ZDHHC11B: variants seen among roughly 807,000 people sequenced by gnomAD.
ZDHHC11B encodes the protein probable palmitoyltransferase ZDHHC11B.
Under a neutral mutation model 42.3 loss-of-function variants are expected in ZDHHC11B, and 17 were observed. The observed-to-expected ratio is 0.40, with a 90% confidence interval of 0.27 to 0.60. ZDHHC11B has a LOEUF of 0.60. ZDHHC11B is among the 20% of genes least tolerant of loss of function. ZDHHC11B has a pLI of 0.41. For missense variants in ZDHHC11B, 262 were observed against 463.2 expected (o/e 0.57, Z 3.99); for synonymous variants, 123 against 193.5 (o/e 0.64, Z 3.02).
intron 4 of ZDHHC11B, among the ~76,000 whole-genome samples, chr5:757,284 C>G (rs2652409): frequency 1 from 151,829 of 151,980 alleles, 75,840 homozygotes; most frequent in Middle Eastern, 1. Flanking sequence ...CGGCCTGTGT[C>G]GCACAGCGCT....
chr5:751,641 G>C (rs538084022), intron 6 of ZDHHC11B, among the ~76,000 whole-genome samples: 1 of 127,626 alleles, frequency 7.8e-6, no homozygotes, highest in African/African-American at 2.5e-5. Context: ...CAGCGTGGGC[G>C]TCCACTTGAG....
chr5:778,903 G>A (rs531815054), intron 1 of ZDHHC11B, among the ~76,000 whole-genome samples: 566 of 151,576 alleles, frequency 3.7e-3, no homozygotes, highest in African/African-American at 0.013. Flanking sequence ...ATGAGATTCA[G>A]CTATGGGGGC....
intron 4 of ZDHHC11B, among the ~76,000 whole-genome samples, chr5:760,584 C>T (rs1220453676): frequency 3.9e-5 from 6 of 151,914 alleles, no homozygotes; most frequent in South Asian, 2.1e-4. Context: ...CAGGACACGC[C>T]GCGGCCACCT....
intron 1 of ZDHHC11B, among the ~76,000 whole-genome samples, chr5:773,879 C>T (rs1736252613): frequency 6.6e-6 from 1 of 151,846 alleles, no homozygotes; most frequent in Non-Finnish European, 1.5e-5. Flanking sequence ...CCTACGGGCT[C>T]ACCCACAGGT....
chr5:741,540 G>C, intron 10 of ZDHHC11B, 54 bp downstream of exon 10: 1 of 966,378 alleles, frequency 1.0e-6, no homozygotes, highest in Non-Finnish European at 1.5e-6. Flanking sequence ...GTTAAGAAAA[G>C]AATACAGCTA....
intron 1 of ZDHHC11B, among the ~76,000 whole-genome samples, chr5:776,189 A>G (rs1736464335): frequency 6.6e-6 from 1 of 151,286 alleles, no homozygotes; most frequent in Non-Finnish European, 1.5e-5. Flanking sequence ...TGTTTAGGAA[A>G]CCCTAGGGCC....
At chr5:743,554 T>C (rs1744405683) in intron 9 of ZDHHC11B, among the ~76,000 whole-genome samples, 1 of 149,354 alleles carries the variant, frequency 6.7e-6, no homozygotes, top group Non-Finnish European at 1.5e-5. Flanking sequence ...GCTGTACACC[T>C]TTTCACTTAA....
intron 1 of ZDHHC11B, among the ~76,000 whole-genome samples, chr5:774,300 C>A (rs1471393755): frequency 1.3e-5 from 2 of 152,270 alleles, no homozygotes; most frequent in East Asian, 3.9e-4. Context: ...GAAACAGCAG[C>A]CCCAGCCTCT....
intron 1 of ZDHHC11B, among the ~76,000 whole-genome samples, chr5:777,586 T>A (rs1330312145): frequency 6.6e-6 from 1 of 151,960 alleles, no homozygotes; most frequent in Non-Finnish European, 1.5e-5. Flanking sequence ...TTTTATTCCG[T>A]TATCTGACCC....
chr5:743,777 A>G lies in ZDHHC11B; in HGVS notation c.900+1406T>C, dbSNP rs142191002. On this transcript the variant is annotated intron_variant, in intron 9 of 13. Transcript: ENST00000508859. The stretch of plus-strand genomic sequence containing the variant: ...GTTAAGTGATTTAATTATCTTAACT[A>G]GGTCTTAAAACATACTTTTTAGGTT... 4.4e-3 allele frequency among the ~76,000 whole-genome samples: 660 copies of G among 149,770 alleles called. 5 individuals are homozygous for G. The East Asian group carries it at 0.083, about 19-fold the overall frequency.
chr5:778,400 G>A (rs1165434542), intron 1 of ZDHHC11B, among the ~76,000 whole-genome samples: 1 of 150,244 alleles, frequency 6.7e-6, no homozygotes, highest in Non-Finnish European at 1.5e-5. Context: ...ACACAGCCGC[G>A]GCTCTCAAGG....
intron 6 of ZDHHC11B, among the ~76,000 whole-genome samples, chr5:752,983 G>A (rs1300564355): frequency 2.3e-5 from 2 of 87,414 alleles, no homozygotes; most frequent in Non-Finnish European, 5.1e-5. Flanking sequence ...CCATTCACGC[G>A]GGGCCTCCTC....
intron 1 of ZDHHC11B, among the ~76,000 whole-genome samples, chr5:777,291 T>C (rs1480104950): frequency 6.6e-6 from 1 of 151,786 alleles, no homozygotes; most frequent in East Asian, 1.9e-4. Context: ...GGGTTCCTAG[T>C]CTCGCCGGCT....
intron 3 of ZDHHC11B, 117 bp from the exon 4 acceptor site, chr5:767,036 C>G: frequency 7.7e-7 from 1 of 1,291,916 alleles, no homozygotes; most frequent in Non-Finnish European, 1.1e-6. Flanking sequence ...GCACTGACAG[C>G]CAATGGCCCA....
rs1339933657 is a variant in ZDHHC11B, at chr5:737,008, C to A, written c.936-3169G>T. 2.3e-4 allele frequency among the ~76,000 whole-genome samples: 33 copies of A among 146,098 alleles called. 1 individual carries two copies. The highest frequency in any genetic ancestry group is 1.8e-3 in the Admixed American group (25 of 14,080). ...AAATTCAAACAAAAAAACAAAAAAA[C>A]CACAAAAGATAAATCAAAAAGCCAG... is the stretch of plus-strand genomic sequence containing the variant. On this transcript the variant is annotated intron_variant, in intron 10 of 13. Coordinates refer to ENST00000508859, the MANE Select transcript of ZDHHC11B (RefSeq NM_001351303.2).
chr5:776,452 G>A (rs1380110439), intron 1 of ZDHHC11B, among the ~76,000 whole-genome samples: 1 of 151,998 alleles, frequency 6.6e-6, no homozygotes, highest in East Asian at 1.9e-4. Flanking sequence ...CAGCCCCAAG[G>A]GAGACCGGGT....
intron 13 of ZDHHC11B, 129 bp from the exon 14 acceptor site, chr5:712,411 T>G (rs1199538745): frequency 6.7e-6 from 1 of 148,572 alleles, no homozygotes; most frequent in Non-Finnish European, 1.5e-5. Flanking sequence ...GGTTTCTGCG[T>G]GGATCATCAC....
chr5:769,970 G>A (rs1213198062), intron 1 of ZDHHC11B, among the ~76,000 whole-genome samples: 8 of 151,888 alleles, frequency 5.3e-5, no homozygotes, highest in Admixed American at 1.3e-4. Context: ...CCACAGCCCC[G>A]CGAGACGGCC....
In ZDHHC11B at chr5:748,919, G is replaced by A. The variant is rs200679013; in HGVS notation, c.629-360C>T. 2.6e-3 allele frequency among the ~76,000 whole-genome samples: 221 copies of A among 86,626 alleles called. 11 individuals carry two copies. Among genetic ancestry groups the A allele is most frequent in the Middle Eastern group, 0.012 (2 of 162 alleles). 56.8% of individuals were successfully genotyped at this position (86,626 alleles called of 152,430 possible). On this transcript the variant is annotated intron_variant, in intron 7 of 13. Transcript: ENST00000508859. ...CCTTCCTAAGTGCTGGGGTCACAGC[G>A]CCCACCCCTTCCTCACTAAGTGCCG...
Sources: gnomAD v4.1 joint callset for allele counts (sites outside exome capture counted in the v4.1 genomes callset) on GRCh38, gnomAD v4.1.1 for gene constraint, MANE v1.5 for transcripts, NCBI Gene and HGNC (gene_info 2026-07-23, HGNC 2026-07-21) for gene names.